Variants in FNIP1 observed in about 807,000 individuals in gnomAD.
FNIP1 encodes the protein folliculin-interacting protein 1.
A neutral mutation model predicts 124.5 loss-of-function variants in FNIP1; 40 were observed. That is an observed-to-expected ratio of 0.32 (90% CI 0.25 to 0.42). The LOEUF (loss-of-function observed/expected upper bound fraction) is 0.42. Ranked by LOEUF, FNIP1 falls within the 10% of genes least tolerant of loss-of-function variation. The probability of loss-of-function intolerance (pLI) is 1.00; values close to 1 mark genes in which losing one functional copy is unlikely to be tolerated. For synonymous variants in FNIP1, 472 were observed against 470.6 expected (o/e 1.00, Z -0.04); for missense variants, 1,176 against 1,403.7 (o/e 0.84, Z 2.59).
chr5:131,758,584 G>A (rs963027609), intron 1 of FNIP1, among the ~76,000 whole-genome samples: 3 of 152,126 alleles, frequency 2.0e-5, no homozygotes, highest in Non-Finnish European at 2.9e-5. Flanking sequence ...ATATTTAAAC[G>A]TTGGTAAGAA....
chr5:131,677,970 T>G (rs1250838135), intron 12 of FNIP1, 98 bp from the exon 13 acceptor site: 2 of 1,185,880 alleles, frequency 1.7e-6, no homozygotes, highest in African/African-American at 3.1e-5. Flanking sequence ...TATATGTTCA[T>G]GTGGCCAAAT....
Position 131,716,617 on chromosome 5 carries a change from A to G in FNIP1, c.570T>C (p.Asn190=), listed in dbSNP as rs1246742103. The stretch of plus-strand genomic sequence containing the variant: ...CTGTGTTATTATCAGCCTTTAATGT[A>G]TTGTTGTCCTGATTGATGAATTCAA... ...DSLEFINQDN[N]TLKADNNTVI... is the part of the protein sequence containing the mutation. The change falls in exon 6 of 18, where the codon AAT becomes AAC. Residue 190 remains asparagine, a synonymous_variant. Transcript: ENST00000510461. 3.1e-6 allele frequency: 5 copies of G among 1,606,120 alleles called. No individual in the cohort carries two copies. The Admixed American group carries it at 6.8e-5, about 22-fold the overall frequency.
In FNIP1 at chr5:131,669,473, C is replaced by A. The variant is rs536793184; in HGVS notation, c.3108+990G>T. Among the ~76,000 whole-genome samples the A allele has an allele frequency of 5.3e-5, 8 of 152,054 alleles. No individual in the cohort carries two copies. The South Asian group carries it at 1.7e-3, about 32-fold the overall frequency. On this transcript the variant is annotated intron_variant, in intron 15 of 17. Coordinates refer to ENST00000510461, the MANE Select transcript of FNIP1 (RefSeq NM_133372.3). ...AGCAACACATAAAAAAAATTATATA[C>A]CATGACAGAGTGGGAATTGCTTCCT...
At chr5:131,689,474 G>A (rs1447493791) in intron 11 of FNIP1, among the ~76,000 whole-genome samples, 1 of 152,030 alleles carries the variant, frequency 6.6e-6, no homozygotes, top group Admixed American at 6.5e-5. Context: ...ACAATATATT[G>A]AATGATCATA....
chr5:131,678,612 C>T (rs527503347), intron 12 of FNIP1, among the ~76,000 whole-genome samples: 121 of 3,888 alleles, frequency 0.031, 2 homozygotes, highest in African/African-American at 0.11. Context: ...AGGGTTTCAC[C>T]GTGTTAGCCA....
chr5:131,663,658 TTGTC>T (rs1767511971), intron 15 of FNIP1, among the ~76,000 whole-genome samples: 2 of 152,354 alleles, frequency 1.3e-5, no homozygotes, highest in African/African-American at 4.8e-5. Flanking sequence ...TACTAATTGT[TTGTC>T]TGTTCTACAG....
intron 7 of FNIP1, 80 bp from the exon 8 acceptor site, chr5:131,709,352 G>T: frequency 8.4e-7 from 1 of 1,192,588 alleles, no homozygotes; most frequent in African/African-American, 1.5e-5. Context: ...AATAGCAAAC[G>T]AAATCATGCT....
chr5:131,780,006 G>C (rs1771943921), intron 1 of FNIP1, among the ~76,000 whole-genome samples: 1 of 151,768 alleles, frequency 6.6e-6, no homozygotes, highest in Non-Finnish European at 1.5e-5. Flanking sequence ...TTTGAGACCA[G>C]CCTGGGCAAC....
chr5:131,672,946 A>G (rs2149515420), intron 13 of FNIP1, 22 bp from the exon 14 acceptor site: 9 of 1,491,506 alleles, frequency 6.0e-6, no homozygotes, highest in African/African-American at 2.8e-5. Context: ...AAAATCAGTT[A>G]TTGGACATGT....
At chr5:131,676,354 G>A (rs1767912591) in intron 13 of FNIP1, among the ~76,000 whole-genome samples, 1 of 152,002 alleles carries the variant, frequency 6.6e-6, no homozygotes, top group Non-Finnish European at 1.5e-5. Flanking sequence ...TCACCATGTT[G>A]GCCAGGCTGG....
chr5:131,713,914 T>C (rs1028779752), intron 6 of FNIP1, among the ~76,000 whole-genome samples: 2 of 152,246 alleles, frequency 1.3e-5, no homozygotes, highest in African/African-American at 4.8e-5. Flanking sequence ...CAATCCCACT[T>C]ATCTGAATCC....
Position 131,739,769 on chromosome 5 carries a change from C to T in FNIP1, c.219+4795G>A, listed in dbSNP as rs534729818. Among the ~76,000 whole-genome samples, 487 of 143,826 alleles carry T rather than the reference C, an allele frequency of 3.4e-3. 4 individuals are homozygous for T. Among genetic ancestry groups the T allele is most frequent in the African/African-American group, 0.012 (462 of 38,614 alleles). 94.4% of individuals were successfully genotyped at this position (143,826 alleles called of 152,430 possible). A position where few individuals can be genotyped will look rare whatever the true frequency, so the allele number is the denominator to read the frequency against. On this transcript the variant is annotated intron_variant, in intron 2 of 17. Coordinates refer to ENST00000510461, the MANE Select transcript of FNIP1 (RefSeq NM_133372.3). Reference sequence around the variant, plus strand: ...CGGAGCTTGTAGTGAGCTGAGATTGCGCCGCTGCTCTCCAGCCTGGGTGAC... The same window carrying T: ...CGGAGCTTGTAGTGAGCTGAGATTGTGCCGCTGCTCTCCAGCCTGGGTGAC...
intron 1 of FNIP1, among the ~76,000 whole-genome samples, chr5:131,787,841 C>T (rs1772267933): frequency 6.6e-6 from 1 of 151,954 alleles, no homozygotes; most frequent in Non-Finnish European, 1.5e-5. Flanking sequence ...CCAGGTGCAG[C>T]AGCTCACACC....
chr5:131,644,815 T>C (rs759826188), intron 17 of FNIP1, 52 bp from the exon 18 acceptor site: 6 of 1,564,940 alleles, frequency 3.8e-6, no homozygotes, highest in Non-Finnish European at 3.5e-6. Flanking sequence ...ACTGAGGACA[T>C]GAACTCTACA....
intron 2 of FNIP1, among the ~76,000 whole-genome samples, chr5:131,736,431 C>T (rs1023647034): frequency 4.6e-5 from 7 of 152,198 alleles, no homozygotes; most frequent in Non-Finnish European, 5.9e-5. Flanking sequence ...TCCACTATCA[C>T]GAACCACCAT....
At chr5:131,701,986 T>C (rs1187526711) in intron 10 of FNIP1, among the ~76,000 whole-genome samples, 1 of 152,242 alleles carries the variant, frequency 6.6e-6, no homozygotes. Flanking sequence ...CCACTGATTT[T>C]ATCAGCTCAA....
At chr5:131,728,896 C>T (rs1264814675) in intron 3 of FNIP1, among the ~76,000 whole-genome samples, 2 of 152,132 alleles carry the variant, frequency 1.3e-5, no homozygotes, top group Non-Finnish European at 2.9e-5. Flanking sequence ...GATGTTGATG[C>T]TATTCCTTTC....
chr5:131,649,816 A>G (rs1766992847), intron 16 of FNIP1, among the ~76,000 whole-genome samples: 1 of 152,192 alleles, frequency 6.6e-6, no homozygotes, highest in South Asian at 2.1e-4. Flanking sequence ...TCATTTCTGT[A>G]CGTGGCATAA....
intron 1 of FNIP1, among the ~76,000 whole-genome samples, chr5:131,792,198 T>C (rs1772429576): frequency 6.6e-6 from 1 of 151,200 alleles, no homozygotes; most frequent in South Asian, 2.1e-4. Flanking sequence ...TTCACTCTTG[T>C]TGCCCAGGGT....
Sources: gnomAD v4.1 joint callset for allele counts (sites outside exome capture counted in the v4.1 genomes callset) on GRCh38, gnomAD v4.1.1 for gene constraint, MANE v1.5 for transcripts, NCBI Gene and HGNC (gene_info 2026-07-23, HGNC 2026-07-21) for gene names.